The following FHOD3 variants were observed in gnomAD, a reference collection of about 807,000 sequenced individuals.
The protein encoded by FHOD3 is formin homology 2 domain containing 3.
FHOD3 carries 90 observed loss-of-function variants against 173.0 expected under a neutral mutation model. The ratio of observed to expected loss-of-function variants is 0.52; its 90% CI spans 0.44 to 0.62. FHOD3 has a LOEUF of 0.62. Ranked by LOEUF, FHOD3 falls within the 20% of genes least tolerant of loss-of-function variation. The probability of loss-of-function intolerance (pLI) is 0.00; values close to 1 mark genes in which losing one functional copy is unlikely to be tolerated. For missense variants in FHOD3, 1,945 were observed against 2,034.7 expected (o/e 0.96, Z 0.85); for synonymous variants, 828 against 823.0 (o/e 1.01, Z -0.10).
At chr18:36,417,747 G>A (rs2049748464) in intron 3 of FHOD3, among the ~76,000 whole-genome samples, 1 of 152,126 alleles carries the variant, frequency 6.6e-6, no homozygotes, top group Admixed American at 6.5e-5. Context: ...AAAAAAGGAC[G>A]ATAGCAAATA....
intron 20 of FHOD3, among the ~76,000 whole-genome samples, chr18:36,733,915 A>G (rs2041501221): frequency 1.3e-5 from 2 of 152,142 alleles, no homozygotes; most frequent in African/African-American, 4.8e-5. Flanking sequence ...GGGAGCGGGG[A>G]CACAAGCTCT....
chr18:36,575,263 G>A (rs1173329063), intron 5 of FHOD3, among the ~76,000 whole-genome samples: 2 of 152,164 alleles, frequency 1.3e-5, no homozygotes, highest in Non-Finnish European at 2.9e-5. Flanking sequence ...GAGCCACTGT[G>A]CCCAGCCACT....
At chr18:36,646,951 C>A (rs2079132962) in intron 10 of FHOD3, among the ~76,000 whole-genome samples, 1 of 152,198 alleles carries the variant, frequency 6.6e-6, no homozygotes, top group South Asian at 2.1e-4. Flanking sequence ...AAAAACACTT[C>A]TTCGGCCGGG....
intron 6 of FHOD3, among the ~76,000 whole-genome samples, chr18:36,580,036 C>T (rs1023513112): frequency 7.9e-5 from 12 of 151,982 alleles, no homozygotes; most frequent in African/African-American, 2.9e-4. Flanking sequence ...TGGAATCATT[C>T]TGTAAGGAAA....
intron 3 of FHOD3, among the ~76,000 whole-genome samples, chr18:36,377,102 A>G (rs186610861): frequency 1.1e-3 from 161 of 152,276 alleles, no homozygotes; most frequent in Non-Finnish European, 2.0e-3. Context: ...TCCTGTAGCT[A>G]CAGTATAGGG....
chr18:36,342,601 A>G (rs1011395453), intron 1 of FHOD3, among the ~76,000 whole-genome samples: 1 of 152,168 alleles, frequency 6.6e-6, no homozygotes, highest in Non-Finnish European at 1.5e-5. Context: ...AGCATTCTTT[A>G]TCTAGCAAAA....
At chr18:36,433,936 A>G (rs2050683661) in intron 3 of FHOD3, among the ~76,000 whole-genome samples, 1 of 152,150 alleles carries the variant, frequency 6.6e-6, no homozygotes, top group South Asian at 2.1e-4. Context: ...CACTACCACA[A>G]TCGAGGTTTA....
intron 3 of FHOD3, among the ~76,000 whole-genome samples, chr18:36,492,720 G>A (rs780592816): frequency 6.6e-6 from 1 of 152,122 alleles, no homozygotes; most frequent in African/African-American, 2.4e-5. Flanking sequence ...CATTGTTCAC[G>A]TGTAGCCTCC....
At chr18:36,599,588 C>T (rs113150251) in intron 7 of FHOD3, among the ~76,000 whole-genome samples, 113 of 152,252 alleles carry the variant, frequency 7.4e-4, no homozygotes, top group African/African-American at 2.3e-3. Context: ...CTTCTGTTTT[C>T]GTGTTAGACC....
chr18:36,559,660 GT>G (rs1436736271), intron 5 of FHOD3, among the ~76,000 whole-genome samples: 2 of 152,024 alleles, frequency 1.3e-5, no homozygotes, highest in African/African-American at 2.4e-5. Context: ...GTCTATTTTG[GT>G]TTTCATCATT....
chr18:36,467,278 C>T (rs1028983031), intron 3 of FHOD3, among the ~76,000 whole-genome samples: 3 of 152,204 alleles, frequency 2.0e-5, no homozygotes, highest in African/African-American at 7.2e-5. Flanking sequence ...AGACTGTCAG[C>T]CCCTCCATGG....
At chr18:36,635,168 G>A (rs2034795449) in intron 10 of FHOD3, among the ~76,000 whole-genome samples, 1 of 152,194 alleles carries the variant, frequency 6.6e-6, no homozygotes, top group Non-Finnish European at 1.5e-5. Flanking sequence ...GAACTGTATT[G>A]AATAAAGGCA....
At chr18:36,437,584 C>T (rs369262725) in intron 3 of FHOD3, among the ~76,000 whole-genome samples, 1 of 151,058 alleles carries the variant, frequency 6.6e-6, no homozygotes, top group Admixed American at 6.6e-5. Context: ...TTTACAAAAG[C>T]ATTGGTCAGC....
chr18:36,437,665 CTTTT>C (rs1555704498), intron 3 of FHOD3, among the ~76,000 whole-genome samples: 3 of 69,440 alleles, frequency 4.3e-5, no homozygotes, highest in Non-Finnish European at 7.0e-5. Context: ...TTCTTTCTTT[CTTTT>C]TTTTTTTTTT....
At chr18:36,560,477 C>T (rs1029744072) in intron 5 of FHOD3, among the ~76,000 whole-genome samples, 6 of 152,208 alleles carry the variant, frequency 3.9e-5, no homozygotes, top group African/African-American at 1.4e-4. Flanking sequence ...CACTACTTGC[C>T]TGGCCTACCT....
At chr18:36,734,382 T>TC (rs1010575738) in intron 20 of FHOD3, among the ~76,000 whole-genome samples, 84 of 151,760 alleles carry the variant, frequency 5.5e-4, no homozygotes, top group African/African-American at 1.9e-3. Context: ...ACACCTACCC[T>TC]CCCCCCACAA....
At chr18:36,324,772 C>T (rs2044580991) in intron 1 of FHOD3, among the ~76,000 whole-genome samples, 1 of 152,220 alleles carries the variant, frequency 6.6e-6, no homozygotes, top group Non-Finnish European at 1.5e-5. Flanking sequence ...TTTAAAAACT[C>T]TTAGGCAGTT....
intron 9 of FHOD3, among the ~76,000 whole-genome samples, chr18:36,613,677 T>G (rs1417905963): frequency 6.6e-6 from 1 of 152,048 alleles, no homozygotes; most frequent in Non-Finnish European, 1.5e-5. Flanking sequence ...GTTGGTTGGT[T>G]GTTGGTTGTT....
At chr18:36,688,511 T>C (rs374150240) in intron 16 of FHOD3, among the ~76,000 whole-genome samples, 1 of 152,234 alleles carries the variant, frequency 6.6e-6, no homozygotes, top group East Asian at 1.9e-4. Flanking sequence ...CAGTTGTGGC[T>C]GGCAAATCTA....
Sources: allele counts gnomAD v4.1 joint callset (sites outside exome capture counted in the v4.1 genomes callset), GRCh38; gene constraint gnomAD v4.1.1; transcripts MANE v1.5; gene names NCBI Gene and HGNC (gene_info 2026-07-23, HGNC 2026-07-21).